SLC25A13: variants seen among roughly 807,000 people sequenced by gnomAD.
The protein encoded by SLC25A13 is electrogenic aspartate/glutamate antiporter SLC25A13, mitochondrial.
A neutral mutation model predicts 85.5 loss-of-function variants in SLC25A13; 70 were observed. That is an observed-to-expected ratio of 0.82 (90% CI 0.68 to 1.00). The LOEUF (loss-of-function observed/expected upper bound fraction) is 1.00. Among genes scored for constraint, SLC25A13 ranks in the 50% least tolerant of loss-of-function variants. SLC25A13 has a pLI of 0.00. For missense variants in SLC25A13, 765 were observed against 819.8 expected (o/e 0.93, Z 0.82); for synonymous variants, 259 against 288.7 (o/e 0.90, Z 1.04).
chr7:96,286,944 G>A (rs1160783893), intron 2 of SLC25A13, among the ~76,000 whole-genome samples: 1 of 152,144 alleles, frequency 6.6e-6, no homozygotes, highest in East Asian at 1.9e-4. Context: ...CACCTCCCAA[G>A]CTAAAGAAGA....
intron 4 of SLC25A13, among the ~76,000 whole-genome samples, chr7:96,226,421 C>A (rs965704488): frequency 1.1e-4 from 16 of 152,086 alleles, no homozygotes; most frequent in Non-Finnish European, 4.4e-5. Context: ...TAGGTCATTT[C>A]CACATTTGGC....
intron 1 of SLC25A13, among the ~76,000 whole-genome samples, chr7:96,304,491 G>A (rs1240316568): frequency 6.6e-6 from 1 of 152,176 alleles, no homozygotes; most frequent in African/African-American, 2.4e-5. Flanking sequence ...TAACAGTTAA[G>A]AATGAATGGT....
intron 14 of SLC25A13, among the ~76,000 whole-genome samples, chr7:96,140,044 C>T (rs1228019683): frequency 7.3e-4 from 107 of 146,402 alleles, no homozygotes; most frequent in African/African-American, 2.5e-3. Context: ...CTGCAAGCTC[C>T]GCCTCCCGGG....
intron 3 of SLC25A13, among the ~76,000 whole-genome samples, chr7:96,253,802 T>C (rs1797523997): frequency 2.6e-5 from 4 of 152,138 alleles, no homozygotes; most frequent in Non-Finnish European, 5.9e-5. Context: ...CTAAAATGGT[T>C]TGGGAAAAGA....
chr7:96,168,956 C>G (rs1052051088), intron 13 of SLC25A13, among the ~76,000 whole-genome samples: 25 of 152,058 alleles, frequency 1.6e-4, no homozygotes, highest in Non-Finnish European at 2.9e-5. Context: ...TATTGTGTGC[C>G]CTTTATATTT....
intron 13 of SLC25A13, among the ~76,000 whole-genome samples, chr7:96,147,508 G>A (rs2116485584): frequency 6.6e-6 from 1 of 152,244 alleles, no homozygotes; most frequent in East Asian, 1.9e-4. Context: ...TTTTAAGCTA[G>A]CTATTTTGAA....
intron 1 of SLC25A13, among the ~76,000 whole-genome samples, chr7:96,300,706 A>G (rs983065651): frequency 6.6e-6 from 1 of 152,212 alleles, no homozygotes; most frequent in East Asian, 1.9e-4. Context: ...TTCCAGGTAC[A>G]GCAAATGGTT....
At chr7:96,315,749 A>G (rs1404309505) in intron 1 of SLC25A13, among the ~76,000 whole-genome samples, 1 of 152,202 alleles carries the variant, frequency 6.6e-6, no homozygotes, top group Non-Finnish European at 1.5e-5. Context: ...TTGTTTTATT[A>G]TGATATCACC....
chr7:96,224,042 C>G (rs1796237655), intron 4 of SLC25A13, among the ~76,000 whole-genome samples: 2 of 152,068 alleles, frequency 1.3e-5, no homozygotes, highest in African/African-American at 4.8e-5. Flanking sequence ...GCACCCCCCG[C>G]AACATTAAAT....
At position 96,276,181 on chromosome 7, in the gene SLC25A13, C is replaced by T. The variant is rs1203902802; in HGVS notation, c.212+1015G>A. Among the ~76,000 whole-genome samples, 4 of 152,294 alleles carry T rather than the reference C, an allele frequency of 2.6e-5. No individual in the cohort carries two copies. The East Asian group carries it at 7.7e-4, about 29-fold the overall frequency. ...AGAAGGCAAGGTCCTTTACAGTTTA[C>T]CTAGAGAAGGTTAGTTCTTGTACAT... On this transcript the variant is annotated intron_variant, in intron 3 of 17. Transcript: ENST00000265631.
At chr7:96,175,224 C>T (rs763793135) in intron 11 of SLC25A13, among the ~76,000 whole-genome samples, 121 of 152,178 alleles carry the variant, frequency 8.0e-4, no homozygotes, top group Non-Finnish European at 1.6e-3. Context: ...AAAGATGAGA[C>T]AATGAGCAGA....
chr7:96,295,185 C>T (rs974226428), intron 2 of SLC25A13, among the ~76,000 whole-genome samples: 3 of 151,968 alleles, frequency 2.0e-5, no homozygotes, highest in South Asian at 2.1e-4. Context: ...GGTGAAACCC[C>T]GTCTCTACTA....
At chr7:96,313,794 T>TA (rs1025404201) in intron 1 of SLC25A13, among the ~76,000 whole-genome samples, 22 of 151,378 alleles carry the variant, frequency 1.5e-4, no homozygotes, top group Non-Finnish European at 2.7e-4. Flanking sequence ...AATGTACATT[T>TA]AAAAAAAAAG....
chr7:96,204,230 A>G (rs1345813108), intron 5 of SLC25A13, among the ~76,000 whole-genome samples: 1 of 152,240 alleles, frequency 6.6e-6, no homozygotes, highest in African/African-American at 2.4e-5. Flanking sequence ...ATTTAAAAGC[A>G]CTTTGTAAAT....
At chr7:96,267,045 A>G (rs1336369861) in intron 3 of SLC25A13, among the ~76,000 whole-genome samples, 2 of 152,176 alleles carry the variant, frequency 1.3e-5, no homozygotes, top group African/African-American at 4.8e-5. Flanking sequence ...GTCTACCCTA[A>G]TAGTATAGAA....
intron 13 of SLC25A13, among the ~76,000 whole-genome samples, chr7:96,158,377 T>C (rs889544547): frequency 2.6e-5 from 4 of 152,224 alleles, no homozygotes; most frequent in African/African-American, 9.7e-5. Flanking sequence ...AACATGGCAG[T>C]ATATTTTTTA....
chr7:96,278,305 C>T (rs563297313), intron 2 of SLC25A13, among the ~76,000 whole-genome samples: 19 of 152,314 alleles, frequency 1.2e-4, no homozygotes, highest in South Asian at 6.2e-4. Context: ...ATAAGAACCA[C>T]ACTGGTAGCC....
chr7:96,288,298 G>C (rs1439072943), intron 2 of SLC25A13, among the ~76,000 whole-genome samples: 1 of 152,208 alleles, frequency 6.6e-6, no homozygotes, highest in East Asian at 1.9e-4. Context: ...ATGGTTCCAA[G>C]ATGGCCGAAT....
At chr7:96,308,253 G>A (rs902820973) in intron 1 of SLC25A13, among the ~76,000 whole-genome samples, 2 of 151,970 alleles carry the variant, frequency 1.3e-5, no homozygotes, top group Non-Finnish European at 2.9e-5. Flanking sequence ...AATAACAATT[G>A]AATGAAAACA....
Sources: allele counts gnomAD v4.1 joint callset (sites outside exome capture counted in the v4.1 genomes callset), GRCh38; gene constraint gnomAD v4.1.1; transcripts MANE v1.5; gene names NCBI Gene and HGNC (gene_info 2026-07-23, HGNC 2026-07-21).